Variants in PCMT1 observed in about 807,000 individuals in gnomAD.
PCMT1 encodes protein-L-isoaspartate(D-aspartate) O-methyltransferase.
A neutral mutation model predicts 29.2 loss-of-function variants in PCMT1; 9 were observed. The observed-to-expected ratio is 0.31, with a 90% confidence interval of 0.19 to 0.54. The LOEUF (loss-of-function observed/expected upper bound fraction) is 0.54. PCMT1 is among the 20% of genes least tolerant of loss of function. The probability of loss-of-function intolerance (pLI) is 0.95; values close to 1 mark genes in which losing one functional copy is unlikely to be tolerated. For missense variants in PCMT1, 184 were observed against 282.2 expected (o/e 0.65, Z 2.49); for synonymous variants, 98 against 97.5 (o/e 1.00, Z -0.03).
Position 149,806,474 on chromosome 6 carries a change from A to T in PCMT1, c.*37+4058A>T, listed in dbSNP as rs139373846. Among the ~76,000 whole-genome samples, 496 of 152,348 alleles carry T rather than the reference A, an allele frequency of 3.3e-3. 9 individuals carry two copies. Among genetic ancestry groups the T allele is most frequent in the Admixed American group, 0.027 (418 of 15,298 alleles). On this transcript the variant is annotated intron_variant, in intron 7 of 7. Coordinates refer to ENST00000464889, the MANE Select transcript of PCMT1 (RefSeq NM_001360452.2). Reference sequence around the variant, plus strand: ...TAGAGAGAAGTGGGTGGATAGCTACATCTAAAATACTGTCACTGTTTTCTG... The same window carrying T: ...TAGAGAGAAGTGGGTGGATAGCTACTTCTAAAATACTGTCACTGTTTTCTG...
At chr6:149,777,984 C>T (rs1306706006) in intron 3 of PCMT1, among the ~76,000 whole-genome samples, 1 of 146,970 alleles carries the variant, frequency 6.8e-6, no homozygotes, top group African/African-American at 2.5e-5. Flanking sequence ...TCAAGTGATT[C>T]TCCTGCCTCA....
intron 1 of PCMT1, among the ~76,000 whole-genome samples, chr6:149,762,629 TATATATATATCTATGATATATATATG>T (rs1786817960): frequency 1.0e-3 from 8 of 7,804 alleles, no homozygotes; most frequent in Non-Finnish European, 1.2e-3. Context: ...ATATCTATGA[TATATATATATCTATGATATATATATG>T]ATATATATAT....
intron 5 of PCMT1, 89 bp from the exon 6 acceptor site, chr6:149,796,326 C>T: frequency 1.4e-6 from 1 of 719,498 alleles, no homozygotes; most frequent in South Asian, 2.1e-5. Context: ...AAAATCTATC[C>T]TTTCTCCATT....
chr6:149,753,980 GACCACATTTTGAGA>G (rs1239206711), intron 1 of PCMT1, among the ~76,000 whole-genome samples: 1 of 152,192 alleles, frequency 6.6e-6, no homozygotes, highest in Non-Finnish European at 1.5e-5. Flanking sequence ...CTGGTCCAGG[GACCACATTTTGAGA>G]ACCAGTGACA....
At chr6:149,767,226 T>G (rs1471203492) in intron 1 of PCMT1, among the ~76,000 whole-genome samples, 2 of 150,470 alleles carry the variant, frequency 1.3e-5, no homozygotes, top group East Asian at 3.9e-4. Context: ...GAAAAAGAAA[T>G]TCATTCATGT....
intron 7 of PCMT1, among the ~76,000 whole-genome samples, chr6:149,804,800 C>A (rs1000597649): frequency 3.9e-5 from 6 of 152,074 alleles, no homozygotes; most frequent in African/African-American, 1.4e-4. Context: ...CCATGCCTGG[C>A]CCTGTTCTTA....
intron 7 of PCMT1, among the ~76,000 whole-genome samples, chr6:149,807,117 G>A (rs1178749563): frequency 6.6e-6 from 1 of 152,104 alleles, no homozygotes; most frequent in African/African-American, 2.4e-5. Context: ...ATCCAAACTT[G>A]AATGTAGACT....
rs1445550119 is a variant in PCMT1 at position 149,762,988 on chromosome 6, A to G, written c.56-8174A>G. Among the ~76,000 whole-genome samples the G allele has an allele frequency of 3.2e-5, 2 of 63,402 alleles. 1 individual carries two copies. The highest frequency in any genetic ancestry group is 5.4e-4 in the Admixed American group (2 of 3,732). The allele number at this position is 63,402 out of a possible 152,430, so 41.6% of individuals were successfully genotyped here. ...TATGATATATATGATATATATATCT[A>G]TGATATATATGATATATATATCTAT... On this transcript the variant is annotated intron_variant, in intron 1 of 7. Transcript: ENST00000464889.
At chr6:149,762,828 A>ATGATATATATATCTATGATATATATC (rs1786857669) in intron 1 of PCMT1, among the ~76,000 whole-genome samples, 1 of 53,844 alleles carries the variant, frequency 1.9e-5, no homozygotes, top group Non-Finnish European at 2.5e-5. Flanking sequence ...TCTATGATAT[A>ATGATATATATATCTATGATATATATC]TATGATATAT....
intron 5 of PCMT1, chr6:149,795,350 G>C (rs890014545): frequency 2.5e-6 from 1 of 392,210 alleles, no homozygotes; most frequent in African/African-American, 2.1e-5. Context: ...AGAAACACTA[G>C]TCAGTCAAGT....
At chr6:149,769,229 C>T (rs1296659076) in intron 1 of PCMT1, among the ~76,000 whole-genome samples, 2 of 150,492 alleles carry the variant, frequency 1.3e-5, no homozygotes, top group Admixed American at 6.6e-5. Context: ...GTTAGTATAG[C>T]ATCCTGCACC....
intron 3 of PCMT1, among the ~76,000 whole-genome samples, chr6:149,786,664 C>A (rs58048550): frequency 7.3e-6 from 1 of 136,376 alleles, no homozygotes. Context: ...AGACGCTCCT[C>A]ACCTCCCAGA....
intron 1 of PCMT1, among the ~76,000 whole-genome samples, chr6:149,767,807 G>A (rs1583016758): frequency 9.5e-6 from 1 of 105,430 alleles, no homozygotes; most frequent in Non-Finnish European, 1.9e-5. Flanking sequence ...TCGTTTGTTT[G>A]TTTTGAGATG....
intron 1 of PCMT1, among the ~76,000 whole-genome samples, chr6:149,757,236 A>T (rs2115200419): frequency 6.6e-6 from 1 of 152,280 alleles, no homozygotes; most frequent in South Asian, 2.1e-4. Context: ...AGCCACATGG[A>T]GCTAGTGCCC....
chr6:149,773,671 G>A (rs1382025404), intron 3 of PCMT1, among the ~76,000 whole-genome samples: 3 of 152,154 alleles, frequency 2.0e-5, no homozygotes, highest in East Asian at 1.9e-4. Flanking sequence ...GAGCCACTGC[G>A]CTTGGCCCAG....
At chr6:149,771,978 A>G (rs181120098) in intron 2 of PCMT1, 54 of 456,566 alleles carry the variant, frequency 1.2e-4, no homozygotes, top group Non-Finnish European at 2.1e-4. Flanking sequence ...TCTCTGCTTT[A>G]TTTGCCCTGC....
At chr6:149,776,523 C>T (rs998042754) in intron 3 of PCMT1, among the ~76,000 whole-genome samples, 10 of 152,076 alleles carry the variant, frequency 6.6e-5, no homozygotes, top group Admixed American at 3.9e-4. Context: ...GTGATCCACC[C>T]GCCTTGGCCT....
chr6:149,781,190 GTTTTTTTTTTTTTGT>G (rs922688393), intron 3 of PCMT1, among the ~76,000 whole-genome samples: 5 of 51,022 alleles, frequency 9.8e-5, no homozygotes, highest in African/African-American at 6.1e-4. Context: ...CCCCTTTCTT[GTTTTTTTTTTTTTGT>G]TTTTTTTTTT....
chr6:149,782,744 C>T (rs2115283160), intron 3 of PCMT1, among the ~76,000 whole-genome samples: 1 of 150,742 alleles, frequency 6.6e-6, no homozygotes, highest in Admixed American at 6.6e-5. Flanking sequence ...ATTTGTGAGT[C>T]TATGGAGACT....
Sources: gnomAD v4.1 joint callset for allele counts (sites outside exome capture counted in the v4.1 genomes callset) on GRCh38, gnomAD v4.1.1 for gene constraint, MANE v1.5 for transcripts, NCBI Gene and HGNC (gene_info 2026-07-23, HGNC 2026-07-21) for gene names.